The following ZZEF1 variants were observed in gnomAD, a reference collection of about 807,000 sequenced individuals.
ZZEF1 encodes the protein zinc finger ZZ-type and EF-hand domain-containing protein 1.
In ZZEF1, 157 loss-of-function variants were observed where a neutral mutation model predicts 342.8. That is an observed-to-expected ratio of 0.46 (90% CI 0.40 to 0.52). ZZEF1 has a LOEUF of 0.52. ZZEF1 is among the 20% of genes least tolerant of loss of function. ZZEF1 has a pLI of 0.00. For synonymous variants in ZZEF1, 1,505 were observed against 1,429.1 expected (o/e 1.05, Z -1.20); for missense variants, 3,480 against 3,725.6 (o/e 0.93, Z 1.72).
intron 29 of ZZEF1, among the ~76,000 whole-genome samples, chr17:4,063,886 C>T (rs1001783132): frequency 1.2e-4 from 18 of 152,066 alleles, no homozygotes; most frequent in Admixed American, 2.0e-4. Context: ...CACCACTACG[C>T]CCAGCTAATT....
Position 4,080,323 on chromosome 17 carries a change from T to G in ZZEF1, c.2829+1053A>C, listed in dbSNP as rs1207805649. Among the ~76,000 whole-genome samples, 9 of 106,598 alleles carry G rather than the reference T, an allele frequency of 8.4e-5. No individual in the cohort carries two copies. The East Asian group carries it at 2.2e-3, about 26-fold the overall frequency. 69.9% of individuals were successfully genotyped at this position (106,598 alleles called of 152,430 possible). On this transcript the variant is annotated intron_variant, in intron 18 of 54. Transcript: ENST00000381638. Reference sequence around the variant, plus strand: ...ACGAAATTGCTAAGAAATCTGAATTTTTTTTTTGTTTTTTGTTTGTTTGTT... The same window carrying G: ...ACGAAATTGCTAAGAAATCTGAATTGTTTTTTTGTTTTTTGTTTGTTTGTT...
chr17:4,118,329 A>G (rs2058430785), intron 2 of ZZEF1, among the ~76,000 whole-genome samples: 1 of 152,174 alleles, frequency 6.6e-6, no homozygotes, highest in African/African-American at 2.4e-5. Flanking sequence ...CCCATAGTCC[A>G]ATGTTCAGTT....
At chr17:4,044,473 A>G in intron 37 of ZZEF1, 99 bp from the exon 38 acceptor site, 1 of 1,171,870 alleles carries the variant, frequency 8.5e-7, no homozygotes, top group East Asian at 2.5e-5. Flanking sequence ...TTCATAGACT[A>G]AAAAACTTTT....
chr17:4,007,657 T>TGGC (rs1174245247), intron 54 of ZZEF1, among the ~76,000 whole-genome samples: 1 of 151,824 alleles, frequency 6.6e-6, no homozygotes, highest in Non-Finnish European at 1.5e-5. Flanking sequence ...AAACCTGGGG[T>TGGC]GGCGGCGGCA....
At position 4,085,822 on chromosome 17, in the gene ZZEF1, G is replaced by T; in HGVS notation, c.2513-19C>A. The T allele has an allele frequency of 6.2e-7, 1 of 1,613,088 alleles. No homozygotes were observed. Among genetic ancestry groups the T allele is most frequent in the Non-Finnish European group, 8.5e-7 (1 of 1,179,728 alleles). On this transcript the variant is annotated intron_variant, in intron 15 of 54. Coordinates refer to ENST00000381638, the MANE Select transcript of ZZEF1 (RefSeq NM_015113.4). ...TCCACCACTGATAAAATGAACAATG[G>T]CATCAGCTTTCATATATTCCATCTA... is the stretch of plus-strand genomic sequence containing the variant.
chr17:4,133,255 A>G (rs969114446), intron 1 of ZZEF1, among the ~76,000 whole-genome samples: 1 of 151,706 alleles, frequency 6.6e-6, no homozygotes, highest in Non-Finnish European at 1.5e-5. Flanking sequence ...TTTATATACT[A>G]TAATGTCATT....
At chr17:4,046,716 C>T (rs976388287) in intron 37 of ZZEF1, among the ~76,000 whole-genome samples, 3 of 152,210 alleles carry the variant, frequency 2.0e-5, no homozygotes, top group African/African-American at 7.2e-5. Flanking sequence ...ACTCCCTGTA[C>T]CATATGGCAC....
intron 2 of ZZEF1, among the ~76,000 whole-genome samples, chr17:4,123,330 T>TA (rs1486718868): frequency 1.4e-5 from 2 of 139,514 alleles, no homozygotes; most frequent in Non-Finnish European, 3.1e-5. Flanking sequence ...ATATAGTATA[T>TA]ATAGGGTTGG....
intron 39 of ZZEF1, among the ~76,000 whole-genome samples, chr17:4,040,441 A>G (rs1319708053): frequency 1.3e-5 from 2 of 152,252 alleles, no homozygotes; most frequent in East Asian, 3.8e-4. Flanking sequence ...CAAGTGATCC[A>G]GAGCTAAAAT....
At position 4,097,317 on chromosome 17, in the gene ZZEF1, G is replaced by A. The variant is rs564708553; in HGVS notation, c.1673-617C>T. On this transcript the variant is annotated intron_variant, in intron 9 of 54. Transcript: ENST00000381638. ...GTTTATAAAACATTTAAGCCAAAGC[G>A]ACAAAAGACTGGACAATCAATCATC... Among the ~76,000 whole-genome samples, 19 of 151,690 alleles carry A rather than the reference G, an allele frequency of 1.3e-4. No individual in the cohort carries two copies. In the East Asian group the frequency reaches 3.5e-3, roughly 28 times the overall value.
chr17:4,023,654 T>TA (rs1296484932), intron 43 of ZZEF1, among the ~76,000 whole-genome samples: 2,089 of 26,180 alleles, frequency 0.08, 329 homozygotes, highest in African/African-American at 0.23. Context: ...ACCCTGTCTC[T>TA]CCAAAAAAAA....
chr17:4,128,103 C>T (rs1250997837), intron 1 of ZZEF1, among the ~76,000 whole-genome samples: 8 of 152,046 alleles, frequency 5.3e-5, no homozygotes, highest in African/African-American at 4.8e-5. Flanking sequence ...CCCAGCACTT[C>T]GGGAGGCTGA....
In ZZEF1 at chr17:4,023,428, G is replaced by A. The variant is rs114265652; in HGVS notation, c.7093-600C>T. On this transcript the variant is annotated intron_variant, in intron 43 of 54. Coordinates refer to ENST00000381638, the MANE Select transcript of ZZEF1 (RefSeq NM_015113.4). ...ATATTTGCTGAATGAAGGATTCAAA[G>A]ACAGAAATTATTGCTGCCCTTAGGG... Among the ~76,000 whole-genome samples, 579 of 152,222 alleles carry A rather than the reference G, an allele frequency of 3.8e-3. 7 individuals are homozygous for A. Among genetic ancestry groups the A allele is most frequent in the African/African-American group, 0.013 (548 of 41,518 alleles).
At chr17:4,102,800 G>A (rs1597895481) in intron 8 of ZZEF1, among the ~76,000 whole-genome samples, 1 of 151,928 alleles carries the variant, frequency 6.6e-6, no homozygotes, top group East Asian at 1.9e-4. Context: ...AATATTTTAG[G>A]TCTCGTTTCT....
intron 25 of ZZEF1, chr17:4,071,309 C>T: frequency 5.5e-6 from 1 of 181,926 alleles, no homozygotes; most frequent in South Asian, 1.2e-4. Flanking sequence ...TAACCATTAG[C>T]AGAGGTTACG....
At chr17:4,085,629 C>G in intron 16 of ZZEF1, 41 bp downstream of exon 16, 18 of 1,609,758 alleles carry the variant, frequency 1.1e-5, no homozygotes, top group Non-Finnish European at 1.5e-5. Flanking sequence ...TTCATCCTCA[C>G]AGACTTCAGA....
At chr17:4,126,861 A>G (rs1388790287) in intron 1 of ZZEF1, among the ~76,000 whole-genome samples, 2 of 152,074 alleles carry the variant, frequency 1.3e-5, no homozygotes, top group African/African-American at 2.4e-5. Context: ...CAGCTACTCC[A>G]GAGGCTGAGG....
At chr17:4,106,061 T>C (rs1255486050) in intron 6 of ZZEF1, among the ~76,000 whole-genome samples, 1 of 152,194 alleles carries the variant, frequency 6.6e-6, no homozygotes, top group Non-Finnish European at 1.5e-5. Context: ...GCGATTCTCC[T>C]GCCTCAGCTT....
intron 7 of ZZEF1, 99 bp downstream of exon 7, chr17:4,105,594 G>A: frequency 1.1e-6 from 1 of 944,822 alleles, no homozygotes; most frequent in Non-Finnish European, 1.6e-6. Flanking sequence ...CATTTTTAGT[G>A]GTGATCGTTA....
Sources: allele counts gnomAD v4.1 joint callset (sites outside exome capture counted in the v4.1 genomes callset), GRCh38; gene constraint gnomAD v4.1.1; transcripts MANE v1.5; gene names NCBI Gene and HGNC (gene_info 2026-07-23, HGNC 2026-07-21).